DIP2C: variants seen among roughly 807,000 people sequenced by gnomAD.
DIP2C encodes the protein DIP2 acetate--CoA ligase C (putative), also known as disco-interacting protein 2 homolog C.
DIP2C carries 33 observed loss-of-function variants against 192.4 expected under a neutral mutation model. The ratio of observed to expected loss-of-function variants is 0.17; its 90% CI spans 0.13 to 0.23. The LOEUF is 0.23. DIP2C is among the 10% of genes least tolerant of loss of function. DIP2C has a pLI of 1.00. For synonymous variants in DIP2C, 979 were observed against 864.1 expected (o/e 1.13, Z -2.33); for missense variants, 1,537 against 2,110.1 (o/e 0.73, Z 5.32).
chr10:600,777 T>G (rs1388571603), intron 1 of DIP2C, among the ~76,000 whole-genome samples: 1 of 152,246 alleles, frequency 6.6e-6, no homozygotes, highest in Non-Finnish European at 1.5e-5. Context: ...AGTATCGTTG[T>G]GGACAAACAC....
At chr10:294,928 T>C (rs935525482) in intron 32 of DIP2C, among the ~76,000 whole-genome samples, 4 of 152,092 alleles carry the variant, frequency 2.6e-5, no homozygotes, top group Non-Finnish European at 5.9e-5. Flanking sequence ...AGGGGATTAA[T>C]ATTCAGGATA....
intron 24 of DIP2C, among the ~76,000 whole-genome samples, chr10:353,823 T>C (rs1421366062): frequency 6.6e-6 from 1 of 152,198 alleles, no homozygotes; most frequent in Non-Finnish European, 1.5e-5. Flanking sequence ...TGTGGAGTGA[T>C]TCATCACTGG....
intron 24 of DIP2C, among the ~76,000 whole-genome samples, chr10:350,173 T>TG (rs1227405820): frequency 6.6e-6 from 1 of 152,150 alleles, no homozygotes; most frequent in African/African-American, 2.4e-5. Flanking sequence ...AGCCTGGACC[T>TG]GCTGGGCTCA....
chr10:354,045 C>T (rs150204000), intron 24 of DIP2C, among the ~76,000 whole-genome samples: 55 of 152,236 alleles, frequency 3.6e-4, no homozygotes, highest in Admixed American at 1.6e-3. Flanking sequence ...AGCAGAGGAG[C>T]GAAGGACCCA....
At chr10:374,029 G>A (rs1961290704) in intron 17 of DIP2C, among the ~76,000 whole-genome samples, 1 of 152,136 alleles carries the variant, frequency 6.6e-6, no homozygotes, top group African/African-American at 2.4e-5. Flanking sequence ...ACAACCTGGT[G>A]TTGGATCTGA....
intron 1 of DIP2C, among the ~76,000 whole-genome samples, chr10:598,126 G>A (rs546603316): frequency 9.8e-5 from 15 of 152,334 alleles, no homozygotes; most frequent in East Asian, 3.9e-4. Context: ...GGCCTCCCAC[G>A]AGGAAAGTGC....
At chr10:579,391 G>A (rs1289478997) in intron 1 of DIP2C, among the ~76,000 whole-genome samples, 5 of 151,396 alleles carry the variant, frequency 3.3e-5, no homozygotes, top group South Asian at 4.2e-4. Flanking sequence ...TGTGTACAGT[G>A]TACACACATC....
chr10:391,720 C>T (rs1416467166), intron 10 of DIP2C, among the ~76,000 whole-genome samples: 1 of 152,206 alleles, frequency 6.6e-6, no homozygotes, highest in Non-Finnish European at 1.5e-5. Flanking sequence ...GAGCAAGTCA[C>T]CGTCTTCGCT....
intron 1 of DIP2C, among the ~76,000 whole-genome samples, chr10:581,412 C>T (rs772643070): frequency 5.3e-5 from 8 of 152,104 alleles, no homozygotes; most frequent in Non-Finnish European, 1.2e-4. Flanking sequence ...AGGGAATTTA[C>T]TTAACATGTT....
intron 4 of DIP2C, among the ~76,000 whole-genome samples, chr10:440,191 T>A (rs983964340): frequency 1.3e-5 from 2 of 152,200 alleles, no homozygotes; most frequent in Non-Finnish European, 2.9e-5. Context: ...AAAAGCAGTA[T>A]TACATAACAC....
chr10:364,141 AG>A, intron 20 of DIP2C, among the ~76,000 whole-genome samples: 1 of 152,220 alleles, frequency 6.6e-6, no homozygotes, highest in Non-Finnish European at 1.5e-5. Flanking sequence ...TTATACTTAG[AG>A]GGGAAGTTCA....
At chr10:346,701 C>G (rs529377352) in intron 26 of DIP2C, among the ~76,000 whole-genome samples, 8 of 145,580 alleles carry the variant, frequency 5.5e-5, no homozygotes, top group African/African-American at 2.2e-4. Flanking sequence ...AACCCAGACA[C>G]ACCGCGCATA....
At chr10:539,499 T>G (rs1250907455) in intron 1 of DIP2C, among the ~76,000 whole-genome samples, 1 of 152,210 alleles carries the variant, frequency 6.6e-6, no homozygotes, top group Non-Finnish European at 1.5e-5. Flanking sequence ...GGGACCTGAG[T>G]GCCCACAGAC....
chr10:513,752 C>T (rs888922687), intron 1 of DIP2C, among the ~76,000 whole-genome samples: 2 of 152,084 alleles, frequency 1.3e-5, no homozygotes, highest in African/African-American at 2.4e-5. Flanking sequence ...CGTTAGCTCA[C>T]GATTGTAACT....
At chr10:521,392 A>G (rs1364086387) in intron 1 of DIP2C, among the ~76,000 whole-genome samples, 2 of 152,188 alleles carry the variant, frequency 1.3e-5, no homozygotes, top group Non-Finnish European at 2.9e-5. Context: ...CTCAATGATA[A>G]GGAAAACTCG....
chr10:672,918 T>A (rs1359143681), intron 1 of DIP2C, among the ~76,000 whole-genome samples: 1 of 152,194 alleles, frequency 6.6e-6, no homozygotes, highest in African/African-American at 2.4e-5. Context: ...AAAAATTACA[T>A]GTACAAAAAA....
intron 31 of DIP2C, among the ~76,000 whole-genome samples, chr10:314,755 G>A (rs1956705345): frequency 6.6e-6 from 1 of 152,198 alleles, no homozygotes; most frequent in Non-Finnish European, 1.5e-5. Flanking sequence ...CAGAGTGGAT[G>A]AACATGTTCC....
At chr10:575,929 G>A (rs1044966307) in intron 1 of DIP2C, among the ~76,000 whole-genome samples, 2 of 152,162 alleles carry the variant, frequency 1.3e-5, no homozygotes, top group African/African-American at 2.4e-5. Flanking sequence ...GCACTTTCAG[G>A]ATTTCAGTGG....
chr10:297,241 T>C lies in DIP2C; in HGVS notation c.3987-8820A>G, dbSNP rs868652908. On this transcript the variant is annotated intron_variant, in intron 32 of 36. Transcript: ENST00000280886. ...ACCAACCCCCCCCCACCCCACCACA[T>C]ACACACACACACACACACACACACA... 1.2e-3 allele frequency among the ~76,000 whole-genome samples: 140 copies of C among 115,616 alleles called. 1 individual carries two copies. Among genetic ancestry groups the C allele is most frequent in the Non-Finnish European group, 1.6e-3 (91 of 58,148 alleles). 75.8% of individuals were successfully genotyped at this position (115,616 alleles called of 152,430 possible). A position where few individuals can be genotyped will look rare whatever the true frequency, so the allele number is the denominator to read the frequency against.
Sources: allele counts gnomAD v4.1 joint callset (sites outside exome capture counted in the v4.1 genomes callset), GRCh38; gene constraint gnomAD v4.1.1; transcripts MANE v1.5; gene names NCBI Gene and HGNC (gene_info 2026-07-23, HGNC 2026-07-21).